The following MORN3 variants were observed in gnomAD, a reference collection of about 807,000 sequenced individuals.
MORN3 encodes the protein MORN repeat containing 3, also known as MORN repeat-containing protein 3.
MORN3 carries 38 observed loss-of-function variants against 34.7 expected under a neutral mutation model. That is an observed-to-expected ratio of 1.10 (90% CI 0.85 to 1.44). MORN3 has a LOEUF of 1.44. MORN3 is among the 40% of genes most tolerant of loss of function. The pLI is 0.00. For missense variants in MORN3, 311 were observed against 321.7 expected (o/e 0.97, Z 0.25); for synonymous variants, 109 against 115.3 (o/e 0.95, Z 0.35).
In MORN3 at chr12:121,666,756, G is replaced by A. The variant is rs1194961804; in HGVS notation, c.145+2583C>T. Among the ~76,000 whole-genome samples, 5 of 151,974 alleles carry A rather than the reference G, an allele frequency of 3.3e-5. No homozygotes were observed. The East Asian group carries it at 5.8e-4, about 18-fold the overall frequency. The stretch of plus-strand genomic sequence containing the variant: ...ATGTCTCTCACCTGGATGTCTGCAA[G>A]GGCCTCTGAGGGGTCTTCCTGCCCC... On this transcript the variant is annotated intron_variant, in intron 1 of 5. Transcript: ENST00000355329.
rs781962732 is a variant in MORN3, at chr12:121,654,363, C to T, written c.374G>A (p.Gly125Glu). The T allele has an allele frequency of 1.2e-6, 2 of 1,601,650 alleles. No homozygotes were observed. Among genetic ancestry groups the T allele is most frequent in the African/African-American group, 1.3e-5 (1 of 74,820 alleles). The change falls in exon 3 of 6, where the codon GGG becomes GAG. Residue 125 changes from glycine (G) to glutamate (E), a missense_variant. Physicochemically the swap from Gly to Glu is moderately conservative, Grantham distance 98 (BLOSUM62 -2). Transcript: ENST00000355329. ...GTTGCTGTAATACATGCGGCCCCAC[C>T]CGCTGCGCTGGCTGCCACACCAGTC... ...EGDWCGSQRS[G>E]WGRMYYSNGD...
At chr12:121,654,206 T>C in intron 3 of MORN3, 68 bp downstream of exon 3, 1 of 1,187,744 alleles carries the variant, frequency 8.4e-7, no homozygotes, top group Non-Finnish European at 1.1e-6. Context: ...TGGGACCAAA[T>C]GGGCGTGGCC....
intron 1 of MORN3, among the ~76,000 whole-genome samples, chr12:121,668,086 T>C (rs1018193037): frequency 6.7e-6 from 1 of 150,106 alleles, no homozygotes; most frequent in Non-Finnish European, 1.5e-5. Context: ...GCCAAGGTGG[T>C]CTTGAACTCC....
upstream of MORN3, among the ~76,000 whole-genome samples, chr12:121,669,836 T>A (rs112223664): frequency 0.056 from 7,074 of 125,830 alleles, 379 homozygotes; most frequent in African/African-American, 0.13. Context: ...ATATATATTT[T>A]TTTTTTTATG....
At chr12:121,652,667 G>T in intron 5 of MORN3, 61 bp downstream of exon 5, 2 of 1,513,760 alleles carry the variant, frequency 1.3e-6, no homozygotes, top group Non-Finnish European at 1.8e-6. Flanking sequence ...TCTGTGCATT[G>T]TTCTGGGCCC....
chr12:121,667,227 G>T lies in MORN3; in HGVS notation c.145+2112C>A, dbSNP rs1594236192. ...TATGCCTGTCTCGGCCTCCCAAAGT[G>T]CTGGGATTTCAGGCATAAGCGACCG... On this transcript the variant is annotated intron_variant, in intron 1 of 5. Transcript: ENST00000355329. Among the ~76,000 whole-genome samples the T allele has an allele frequency of 2.0e-5, 3 of 151,912 alleles. No homozygotes were observed. In the South Asian group the frequency reaches 6.2e-4, roughly 32 times the overall value.
At chr12:121,658,928 G>T (rs1373253280) in intron 2 of MORN3, among the ~76,000 whole-genome samples, 1 of 152,274 alleles carries the variant, frequency 6.6e-6, no homozygotes, top group East Asian at 1.9e-4. Flanking sequence ...GTCCCCACAA[G>T]CCTGGCTGGC....
At chr12:121,660,261 T>TCAAA (rs113332479) in intron 1 of MORN3, among the ~76,000 whole-genome samples, 36,664 of 149,738 alleles carry the variant, frequency 0.24, 4,946 homozygotes, top group African/African-American at 0.35. Flanking sequence ...CATCTCAAAA[T>TCAAA]CAAACAAACA....
intron 1 of MORN3, among the ~76,000 whole-genome samples, chr12:121,668,454 T>C (rs943020670): frequency 6.6e-6 from 1 of 152,086 alleles, no homozygotes; most frequent in African/African-American, 2.4e-5. Flanking sequence ...GGCAGGAGAA[T>C]CGCCTGAACT....
At chr12:121,654,213 G>A in intron 3 of MORN3, 61 bp downstream of exon 3, 1 of 1,407,284 alleles carries the variant, frequency 7.1e-7, no homozygotes, top group Non-Finnish European at 9.6e-7. Context: ...AAATGGGCGT[G>A]GCCAGCTCGC....
chr12:121,659,540 C>CTTTCT (rs1555326103), intron 1 of MORN3, among the ~76,000 whole-genome samples, 192 bp from the exon 2 acceptor site: 14 of 135,908 alleles, frequency 1.0e-4, no homozygotes, highest in Non-Finnish European at 1.7e-4. Flanking sequence ...TTCTTTCTTT[C>CTTTCT]TTTTTTTTTT....
intron 1 of MORN3, among the ~76,000 whole-genome samples, chr12:121,660,194 G>A (rs1023832868): frequency 1.4e-5 from 2 of 141,554 alleles, no homozygotes; most frequent in African/African-American, 5.8e-5. Flanking sequence ...AGATGACGTC[G>A]TTGCAGTGAG....
chr12:121,668,435 GGAGGCT>G (rs1380164734), intron 1 of MORN3, among the ~76,000 whole-genome samples: 3 of 152,186 alleles, frequency 2.0e-5, no homozygotes, highest in East Asian at 3.9e-4. Context: ...CAGCTACTCT[GGAGGCT>G]GAGGCAGGAG....
Position 121,650,002 on chromosome 12 carries a change from G to A in MORN3, c.*1649C>T, listed in dbSNP as rs1446359369. 6.6e-6 allele frequency: 1 copy of A among 151,484 alleles called. No individual in the cohort carries two copies. The highest frequency in any genetic ancestry group is 1.9e-4 in the East Asian group (1 of 5,148). The allele number at this position is 151,484 out of a possible 1,614,324, so 9.4% of individuals were successfully genotyped here. On this transcript the variant is annotated 3_prime_UTR_variant, in exon 6 of 6. Transcript: ENST00000355329. ...GTCATACATTGCCAAATGTCCCCAA[G>A]AAAGAGTGGGGCTGAGGGAGGACAA...
intron 1 of MORN3, among the ~76,000 whole-genome samples, chr12:121,669,021 C>T (rs1893863550): frequency 6.6e-6 from 1 of 152,154 alleles, no homozygotes; most frequent in Admixed American, 6.6e-5. Context: ...TGTTGCCAGC[C>T]AGCCCAGTGC....
At position 121,654,262 on chromosome 12, in the gene MORN3, T is replaced by TGGGGGGGGGGGGGGGGGCGGGGGGGGGG; in HGVS notation, c.463+11_463+12insCCCCCCCCCCGCCCCCCCCCCCCCCCCC. Reference sequence around the variant, plus strand: ...GTCGGGTGGGCGGGGCCGGCGGGGGTGGGGCACTCACTCAGGCGCAGCATG... The same window carrying TGGGGGGGGGGGGGGGGGCGGGGGGGGGG: ...GTCGGGTGGGCGGGGCCGGCGGGGGTGGGGGGGGGGGGGGGGGCGGGGGGGGGGGGGGCACTCACTCAGGCGCAGCATG... On this transcript the variant is annotated intron_variant, in intron 3 of 5. Transcript: ENST00000355329. The TGGGGGGGGGGGGGGGGGCGGGGGGGGGG allele has an allele frequency of 1.4e-6, 2 of 1,469,602 alleles. No individual in the cohort carries two copies. Among genetic ancestry groups the TGGGGGGGGGGGGGGGGGCGGGGGGGGGG allele is most frequent in the Admixed American group, 2.1e-5 (1 of 47,130 alleles). 91.0% of individuals were successfully genotyped at this position (1,469,602 alleles called of 1,614,324 possible).
At chr12:121,668,627 T>C (rs1378570696) in intron 1 of MORN3, among the ~76,000 whole-genome samples, 1 of 152,060 alleles carries the variant, frequency 6.6e-6, no homozygotes, top group East Asian at 1.9e-4. Context: ...GACAGGAGGA[T>C]TGCTTGAGCC....
chr12:121,654,138 T>C, intron 3 of MORN3, 136 bp downstream of exon 3: 1 of 661,400 alleles, frequency 1.5e-6, no homozygotes. Context: ...TCCTCTCTTG[T>C]CCCACATTGA....
chr12:121,669,160 G>A (rs1476324325), intron 1 of MORN3, among the ~76,000 whole-genome samples, 179 bp downstream of exon 1: 2 of 152,318 alleles, frequency 1.3e-5, no homozygotes, highest in African/African-American at 4.8e-5. Flanking sequence ...TCAGGGCTGA[G>A]TTTGTTCAGA....
Sources: gnomAD v4.1 joint callset for allele counts (sites outside exome capture counted in the v4.1 genomes callset) on GRCh38, gnomAD v4.1.1 for gene constraint, MANE v1.5 for transcripts, NCBI Gene and HGNC (gene_info 2026-07-23, HGNC 2026-07-21) for gene names.